Variants in RHOU observed in about 807,000 individuals in gnomAD.
The protein encoded by RHOU is rho-related GTP-binding protein RhoU.
In RHOU, 8 loss-of-function variants were observed where a neutral mutation model predicts 12.6. That is an observed-to-expected ratio of 0.64 (90% CI 0.37 to 1.15). The LOEUF (loss-of-function observed/expected upper bound fraction) is 1.15. Ranked by LOEUF, RHOU falls within the 50% of genes most tolerant of loss-of-function variation. RHOU has a pLI of 0.01. For synonymous variants in RHOU, 161 were observed against 147.4 expected (o/e 1.09, Z -0.67); for missense variants, 258 against 347.0 (o/e 0.74, Z 2.04).
chr1:228,710,612 C>T, the RHOU span, among the ~76,000 whole-genome samples: 4 of 150,598 alleles, frequency 2.7e-5, no homozygotes, highest in Non-Finnish European at 4.4e-5. Flanking sequence ...ATTCAACAAC[C>T]CTTCATGCTA....
the RHOU span, chr1:228,687,877 AAG>A: frequency 1.1e-6 from 1 of 909,674 alleles, no homozygotes. Flanking sequence ...CCTGGTCACC[AAG>A]AGTTATCCCT....
chr1:228,708,692 C>T, the RHOU span, among the ~76,000 whole-genome samples: 88 of 151,890 alleles, frequency 5.8e-4, no homozygotes, highest in Non-Finnish European at 9.9e-4. Flanking sequence ...CGGTACCAGC[C>T]GCTGCAAAAT....
Position 228,737,674 on chromosome 1 carries a change from G to A in RHOU, c.264G>A (p.Ala88=), listed in dbSNP as rs751245346. 1.9e-6 allele frequency: 3 copies of A among 1,614,156 alleles called. No homozygotes were observed. The highest frequency in any genetic ancestry group is 2.2e-5 in the South Asian group (2 of 91,082). ...TGTCATTTTGGTTTTGTTTTTAAGC[G>A]GTGGTGTCTGTGGATGGGCGGCCCG... ...YIPTAFDNFS[A]VVSVDGRPVR... Residue 88 remains alanine (A), a splice_region_variant and synonymous_variant, in exon 2 of 3, where the codon GCG becomes GCA. Coordinates refer to ENST00000366691, the MANE Select transcript of RHOU (RefSeq NM_021205.6). This position sits in a 1 kb window ranked among gnomAD's most constrained non-coding sequence, Gnocchi z 4.1.
upstream of RHOU, among the ~76,000 whole-genome samples, chr1:228,733,608 T>C (rs1306228540): frequency 6.6e-6 from 1 of 152,194 alleles, no homozygotes; most frequent in Non-Finnish European, 1.5e-5. Context: ...CACCAGCCGA[T>C]ATTAGGTGCT....
At chr1:228,705,743 G>C in the RHOU span, among the ~76,000 whole-genome samples, 141 of 152,112 alleles carry the variant, frequency 9.3e-4, no homozygotes, top group Middle Eastern at 0.01. Flanking sequence ...ACCCAGTTTG[G>C]ATCAAAAATT....
the RHOU span, chr1:228,687,636 C>T: frequency 1.3e-6 from 2 of 1,558,260 alleles, no homozygotes; most frequent in South Asian, 1.1e-5. Context: ...ACTGCACAAA[C>T]TGGCCACTGA....
the RHOU span, among the ~76,000 whole-genome samples, chr1:228,659,612 CTAAG>C: frequency 2.0e-5 from 3 of 149,810 alleles, no homozygotes; most frequent in Middle Eastern, 3.4e-3. Flanking sequence ...TATAGACTGA[CTAAG>C]AAAAAAAGAG....
At chr1:228,647,273 C>T in the RHOU span, among the ~76,000 whole-genome samples, 2 of 152,152 alleles carry the variant, frequency 1.3e-5, no homozygotes, top group African/African-American at 4.8e-5. Context: ...CTTGGCACCT[C>T]ACTGTGCTCT....
At chr1:228,707,123 TATAC>T in the RHOU span, among the ~76,000 whole-genome samples, 1,461 of 81,080 alleles carry the variant, frequency 0.018, 37 homozygotes, top group African/African-American at 0.084. Context: ...TATATATATA[TATAC>T]ATATATATAT....
chr1:228,660,933 CAAAA>C, the RHOU span, among the ~76,000 whole-genome samples: 324 of 116,536 alleles, frequency 2.8e-3, 2 homozygotes, highest in Middle Eastern at 0.021. Context: ...AACTCTGTCT[CAAAA>C]AAAAAAAAAA....
chr1:228,703,392 G>C, the RHOU span, among the ~76,000 whole-genome samples: 2 of 152,104 alleles, frequency 1.3e-5, no homozygotes, highest in East Asian at 1.9e-4. Context: ...CAGGTGTGGT[G>C]GTGGGCACCT....
Position 228,737,755 on chromosome 1 carries a change from T to A in RHOU, c.321+24T>A. On this transcript the variant is annotated intron_variant, in intron 2 of 2. Coordinates refer to ENST00000366691, the MANE Select transcript of RHOU (RefSeq NM_021205.6). The surrounding 1 kb of genome is among the most constrained non-coding windows in gnomAD (Gnocchi z 4.1). ...AGGTCAGTATCACGTTACAGCTCAG[T>A]GCTGGGAAAGGAAACAGCCTTTTAA... The A allele has an allele frequency of 1.2e-6, 2 of 1,612,872 alleles. No individual in the cohort carries two copies. The highest frequency in any genetic ancestry group is 1.7e-6 in the Non-Finnish European group (2 of 1,178,832).
At chr1:228,742,466 C>T (rs1207926730) in intron 2 of RHOU, among the ~76,000 whole-genome samples, 4 of 152,114 alleles carry the variant, frequency 2.6e-5, no homozygotes, top group African/African-American at 7.2e-5. Flanking sequence ...GTAGGGTGGG[C>T]GTGCCTATTC....
chr1:228,670,078 C>A, the RHOU span, among the ~76,000 whole-genome samples: 3 of 152,162 alleles, frequency 2.0e-5, no homozygotes, highest in African/African-American at 7.2e-5. Context: ...TACTAAGAAT[C>A]TCATGCAGAA....
rs995479831 is a variant in RHOU at position 228,746,161 on chromosome 1, G to A, written c.*2421G>A. 3 of 152,210 alleles carry A rather than the reference G, an allele frequency of 2.0e-5. No homozygotes were observed. The highest frequency in any genetic ancestry group is 4.8e-5 in the African/African-American group (2 of 41,454). 9.4% of individuals were successfully genotyped at this position (152,210 alleles called of 1,614,324 possible). A position where few individuals can be genotyped will look rare whatever the true frequency, so the allele number is the denominator to read the frequency against. ...GCATTTTATAGAATAGTAAAGGTAC[G>A]ATTATACTTGAGATTTTCCTCCATT... On this transcript the variant is annotated 3_prime_UTR_variant, in exon 3 of 3. Transcript: ENST00000366691.
At chr1:228,664,730 T>C in the RHOU span, among the ~76,000 whole-genome samples, 8 of 152,170 alleles carry the variant, frequency 5.3e-5, no homozygotes, top group East Asian at 1.4e-3. Context: ...GTCTCCCAGG[T>C]TCAAGCAATT....
At chr1:228,726,455 G>A in the RHOU span, among the ~76,000 whole-genome samples, 2 of 152,138 alleles carry the variant, frequency 1.3e-5, no homozygotes, top group Non-Finnish European at 2.9e-5. Context: ...CATGAGGTCA[G>A]GAGTTCGAGA....
the RHOU span, among the ~76,000 whole-genome samples, chr1:228,718,617 A>G: frequency 6.6e-6 from 1 of 152,336 alleles, no homozygotes; most frequent in East Asian, 1.9e-4. Flanking sequence ...TTAGACAAGT[A>G]GAGGCCCAGA....
the RHOU span, among the ~76,000 whole-genome samples, chr1:228,685,805 A>G: frequency 6.6e-6 from 1 of 152,216 alleles, no homozygotes; most frequent in Non-Finnish European, 1.5e-5. Flanking sequence ...ACCCTTAATC[A>G]GTAGCATTTG....
Sources: gnomAD v4.1 joint callset for allele counts (sites outside exome capture counted in the v4.1 genomes callset) on GRCh38, gnomAD v4.1.1 for gene constraint, Gnocchi (gnomAD v3.1) non-coding constraint, MANE v1.5 for transcripts, NCBI Gene and HGNC (gene_info 2026-07-23, HGNC 2026-07-21) for gene names.